Variants in MTNR1A observed in about 807,000 individuals in gnomAD.
MTNR1A encodes melatonin receptor type 1A.
A neutral mutation model predicts 5.5 loss-of-function variants in MTNR1A; 7 were observed. The observed-to-expected ratio is 1.28, with a 90% CI of 0.73 to 2.40. The LOEUF (loss-of-function observed/expected upper bound fraction) is 2.40. MTNR1A is among the 30% of genes most tolerant of loss of function. The pLI, the probability that MTNR1A is intolerant of heterozygous loss-of-function variation, is 0.00. For synonymous variants in MTNR1A, 196 were observed against 202.7 expected (o/e 0.97, Z 0.28); for missense variants, 441 against 464.4 (o/e 0.95, Z 0.46).
chr4:186,546,571 A>C (rs760224534), intron 1 of MTNR1A, among the ~76,000 whole-genome samples: 4 of 151,528 alleles, frequency 2.6e-5, no homozygotes, highest in Non-Finnish European at 5.9e-5. Flanking sequence ...TGCTGTCCAC[A>C]CCACACCCTG....
rs370373450 is a variant in MTNR1A, at chr4:186,547,570, G to A, written c.184+7612C>T. 1.4e-4 allele frequency among the ~76,000 whole-genome samples: 21 copies of A among 152,288 alleles called. No homozygotes were observed. The South Asian group carries it at 4.1e-3, about 30-fold the overall frequency. ...TTCCATCTGAGCACCTCAGGGCTCC[G>A]TTGCCTCCTGGATTCCACGTGTCCT... On this transcript the variant is annotated intron_variant, in intron 1 of 1. Coordinates refer to ENST00000307161, the MANE Select transcript of MTNR1A (RefSeq NM_005958.4).
At chr4:186,544,940 C>G (rs1737109770) in intron 1 of MTNR1A, among the ~76,000 whole-genome samples, 1 of 152,146 alleles carries the variant, frequency 6.6e-6, no homozygotes, top group Non-Finnish European at 1.5e-5. Flanking sequence ...TACAAACGAC[C>G]AGTCCCTTTG....
At position 186,534,075 on chromosome 4, in the gene MTNR1A, G is replaced by T; in HGVS notation, c.667C>A (p.Pro223Thr). The T allele has an allele frequency of 6.2e-7, 1 of 1,614,068 alleles. No homozygotes were observed. The highest frequency in any genetic ancestry group is 8.5e-7 in the Non-Finnish European group (1 of 1,180,024). ...GGTTTCAGTTTGGGTTTGCGGTCAG[G>T]TTTCACCCTCTGTCTGACCTGGAGA... is the stretch of plus-strand genomic sequence containing the variant. ...LVLQVRQRVK[P>T]DRKPKLKPQD... The change falls in exon 2 of 2, where the codon CCT (proline) becomes ACT (threonine). Residue 223 changes from proline (P) to threonine (T), a missense_variant. Coordinates refer to ENST00000307161, the MANE Select transcript of MTNR1A (RefSeq NM_005958.4).
At chr4:186,540,464 A>T (rs1372282532) in intron 1 of MTNR1A, among the ~76,000 whole-genome samples, 1 of 152,234 alleles carries the variant, frequency 6.6e-6, no homozygotes, top group Non-Finnish European at 1.5e-5. Context: ...AGGCACATTC[A>T]GATGACTCAT....
rs79147217 is a variant in MTNR1A at position 186,543,844 on chromosome 4, C to T, written c.185-9287G>A. Among the ~76,000 whole-genome samples, 1,289 of 152,006 alleles carry T rather than the reference C, an allele frequency of 8.5e-3. 25 individuals carry two copies. The highest frequency in any genetic ancestry group is 0.03 in the African/African-American group (1,222 of 41,308). ...ATATGGTTAAAAGATATAGCTAGAA[C>T]CCAAGTTGTCAAGGGGTGGACTGTG... On this transcript the variant is annotated intron_variant, in intron 1 of 1. Coordinates refer to ENST00000307161, the MANE Select transcript of MTNR1A (RefSeq NM_005958.4).
At chr4:186,539,992 C>T (rs974304265) in intron 1 of MTNR1A, among the ~76,000 whole-genome samples, 7 of 152,316 alleles carry the variant, frequency 4.6e-5, no homozygotes, top group African/African-American at 1.7e-4. Context: ...GCTTAATGGA[C>T]TTACAGTTCC....
chr4:186,533,884 G>A lies in MTNR1A; in HGVS notation c.858C>T (p.Phe286=). The A allele has an allele frequency of 6.2e-7, 1 of 1,614,156 alleles. No homozygotes were observed. Among genetic ancestry groups the A allele is most frequent in the Non-Finnish European group, 8.5e-7 (1 of 1,180,004 alleles). Residue 286 remains phenylalanine (F), a synonymous_variant, in exon 2 of 2, where the codon TTC becomes TTT. Transcript: ENST00000307161. ...ATATAATGGCATTGAGGCAGCTGTTGAAATACGCCATGTAGTAACTGGCCA... is the reference window on the plus strand; with the variant it reads ...ATATAATGGCATTGAGGCAGCTGTTAAAATACGCCATGTAGTAACTGGCCA... ...LFVASYYMAY[F]NSCLNAIIYG...
chr4:186,552,957 A>T (rs1737293357), intron 1 of MTNR1A, among the ~76,000 whole-genome samples: 1 of 152,236 alleles, frequency 6.6e-6, no homozygotes, highest in Non-Finnish European at 1.5e-5. Flanking sequence ...TGTCCCCGCC[A>T]TGCAGATTGT....
intron 1 of MTNR1A, among the ~76,000 whole-genome samples, chr4:186,539,038 G>A (rs1736945467): frequency 6.6e-6 from 1 of 151,964 alleles, no homozygotes; most frequent in Non-Finnish European, 1.5e-5. Context: ...CCAACATGGT[G>A]AAACCCCATC....
intron 1 of MTNR1A, among the ~76,000 whole-genome samples, chr4:186,540,728 ACTGACTGAAGGACCAGGTGCTGTCTGT>A (rs1736997243): frequency 3.7e-5 from 2 of 54,752 alleles, no homozygotes; most frequent in African/African-American, 7.8e-5. Flanking sequence ...GTGCTGTCTG[ACTGACTGAAGGACCAGGTGCTGTCTGT>A]CTGAAGGACC....
At chr4:186,548,810 G>GAT (rs71595106) in intron 1 of MTNR1A, among the ~76,000 whole-genome samples, 4,756 of 54,168 alleles carry the variant, frequency 0.088, 291 homozygotes, top group Middle Eastern at 0.13. Flanking sequence ...AATCTATAAA[G>GAT]ATATATATAT....
At chr4:186,543,728 A>G (rs1579251392) in intron 1 of MTNR1A, among the ~76,000 whole-genome samples, 1 of 152,340 alleles carries the variant, frequency 6.6e-6, no homozygotes, top group Admixed American at 6.5e-5. Flanking sequence ...TTTCTTTTAC[A>G]AAGAGGGTTA....
chr4:186,546,748 C>T (rs1041272746), intron 1 of MTNR1A, among the ~76,000 whole-genome samples: 13 of 150,378 alleles, frequency 8.6e-5, no homozygotes, highest in Middle Eastern at 3.4e-3. Flanking sequence ...ACACACCATC[C>T]GCCTCGCTCC....
At chr4:186,539,213 TAAAAAA>T (rs59170135) in intron 1 of MTNR1A, among the ~76,000 whole-genome samples, 47 of 115,778 alleles carry the variant, frequency 4.1e-4, no homozygotes, top group Admixed American at 6.6e-4. Context: ...AAGACTCCAT[TAAAAAA>T]AAAAAAAAAA....
intron 1 of MTNR1A, among the ~76,000 whole-genome samples, chr4:186,543,971 T>C (rs1252735232): frequency 6.6e-6 from 1 of 152,186 alleles, no homozygotes; most frequent in Non-Finnish European, 1.5e-5. Flanking sequence ...AAGAATTTTG[T>C]ATAAGATTTG....
At chr4:186,552,118 G>A (rs1737276845) in intron 1 of MTNR1A, among the ~76,000 whole-genome samples, 2 of 152,186 alleles carry the variant, frequency 1.3e-5, no homozygotes, top group East Asian at 3.9e-4. Flanking sequence ...CGTGAATGGT[G>A]AGCAGGGCTG....
In MTNR1A at chr4:186,554,891, T is replaced by A. The variant is rs553187459; in HGVS notation, c.184+291A>T. Among the ~76,000 whole-genome samples the A allele has an allele frequency of 4.6e-5, 7 of 152,334 alleles. No homozygotes were observed. The East Asian group carries it at 1.4e-3, about 29-fold the overall frequency. On this transcript the variant is annotated intron_variant, in intron 1 of 1. Transcript: ENST00000307161. ...TGAGGAACTTTCTGCAGCCTGGACCTGAGGCTTCTCAATCTAATAAACCTC... is the reference window on the plus strand; with the variant it reads ...TGAGGAACTTTCTGCAGCCTGGACCAGAGGCTTCTCAATCTAATAAACCTC...
intron 1 of MTNR1A, among the ~76,000 whole-genome samples, chr4:186,539,825 A>G (rs1736968054): frequency 6.6e-6 from 1 of 152,210 alleles, no homozygotes; most frequent in Non-Finnish European, 1.5e-5. Context: ...TTAAGACACC[A>G]ATGGGGCTTG....
intron 1 of MTNR1A, among the ~76,000 whole-genome samples, chr4:186,536,381 A>T (rs1462125044): frequency 6.6e-6 from 1 of 151,062 alleles, no homozygotes; most frequent in African/African-American, 2.4e-5. Flanking sequence ...AAAGAAAATT[A>T]CACTAGAGTA....
Sources: allele counts gnomAD v4.1 joint callset (sites outside exome capture counted in the v4.1 genomes callset), GRCh38; gene constraint gnomAD v4.1.1; transcripts MANE v1.5; gene names NCBI Gene and HGNC (gene_info 2026-07-23, HGNC 2026-07-21).